TET1: variants seen among roughly 807,000 people sequenced by gnomAD.
TET1 encodes methylcytosine dioxygenase TET1.
A neutral mutation model predicts 148.7 loss-of-function variants in TET1; 13 were observed. That is an observed-to-expected ratio of 0.09 (90% CI 0.06 to 0.14). The LOEUF (loss-of-function observed/expected upper bound fraction) is 0.14. Ranked by LOEUF, TET1 falls within the 10% of genes least tolerant of loss-of-function variation. TET1 has a pLI of 1.00. For missense variants in TET1, 2,182 were observed against 2,553.8 expected (o/e 0.85, Z 3.14); for synonymous variants, 907 against 937.2 (o/e 0.97, Z 0.59).
intron 3 of TET1, among the ~76,000 whole-genome samples, chr10:68,640,403 A>G (rs1464682368): frequency 6.7e-6 from 1 of 150,190 alleles, no homozygotes. Flanking sequence ...TGCTGGGATT[A>G]TAGGCGCCTG....
chr10:68,654,573 T>C (rs543717661), intron 6 of TET1, among the ~76,000 whole-genome samples: 3 of 152,048 alleles, frequency 2.0e-5, no homozygotes, highest in South Asian at 4.2e-4. Flanking sequence ...GCCTAGATCG[T>C]GCCTCTGCAC....
At chr10:68,595,336 CA>C (rs1440561950) in intron 2 of TET1, among the ~76,000 whole-genome samples, 2 of 151,948 alleles carry the variant, frequency 1.3e-5, no homozygotes, top group Non-Finnish European at 2.9e-5. Flanking sequence ...CCCCCAAAAT[CA>C]GAAGAAAAAT....
intron 6 of TET1, among the ~76,000 whole-genome samples, chr10:68,659,239 G>A (rs766011244): frequency 2.0e-4 from 30 of 152,308 alleles, no homozygotes; most frequent in Non-Finnish European, 1.0e-4. Flanking sequence ...CAATGCCTGA[G>A]TGCTTCACAT....
intron 6 of TET1, among the ~76,000 whole-genome samples, chr10:68,659,615 G>A (rs148207881): frequency 0.011 from 1,626 of 152,202 alleles, 32 homozygotes; most frequent in African/African-American, 0.037. Context: ...CACCGCGCCC[G>A]GCCAATATTA....
chr10:68,575,702 C>CAAATAAATAAAT (rs34948432), intron 2 of TET1, among the ~76,000 whole-genome samples: 31 of 140,748 alleles, frequency 2.2e-4, no homozygotes, highest in East Asian at 6.4e-4. Flanking sequence ...AACTCCATCT[C>CAAATAAATAAAT]AAATAAATAA....
intron 2 of TET1, among the ~76,000 whole-genome samples, chr10:68,575,090 A>G (rs993705532): frequency 1.3e-5 from 2 of 152,240 alleles, no homozygotes; most frequent in African/African-American, 4.8e-5. Context: ...AGATGGACTT[A>G]GAAGTATTGT....
rs111858486 is a variant in TET1, at chr10:68,605,559, G to A, written c.1968+4525G>A. ...GACAGAGTCTCACTCTGTCACTAAG[G>A]CTGGAGTGCAGTGGTGCAGTCTTGG... On this transcript the variant is annotated intron_variant, in intron 3 of 11. Coordinates refer to ENST00000373644, the MANE Select transcript of TET1 (RefSeq NM_030625.3). Among the ~76,000 whole-genome samples, 6 of 152,260 alleles carry A rather than the reference G, an allele frequency of 3.9e-5. 1 individual carries two copies. The highest frequency in any genetic ancestry group is 1.4e-4 in the African/African-American group (6 of 41,556).
chr10:68,653,834 C>T (rs569511290), intron 6 of TET1, among the ~76,000 whole-genome samples: 5 of 152,226 alleles, frequency 3.3e-5, no homozygotes, highest in African/African-American at 9.6e-5. Flanking sequence ...CGGCCCAGCA[C>T]GGTGGCTCAC....
intron 2 of TET1, among the ~76,000 whole-genome samples, chr10:68,600,318 T>G (rs569297536): frequency 1.3e-5 from 2 of 152,326 alleles, no homozygotes; most frequent in East Asian, 3.9e-4. Flanking sequence ...AGGAAGGCTC[T>G]ACCATCGATC....
At chr10:68,633,860 G>A (rs893034484) in intron 3 of TET1, among the ~76,000 whole-genome samples, 5 of 152,158 alleles carry the variant, frequency 3.3e-5, no homozygotes, top group Non-Finnish European at 5.9e-5. Context: ...AGGAGGGTTT[G>A]TAGTCCAAGG....
chr10:68,574,116 T>G lies in TET1; in HGVS notation c.1778T>G (p.Val593Gly). The G allele has an allele frequency of 1.2e-6, 2 of 1,614,022 alleles. No homozygotes were observed. Among genetic ancestry groups the G allele is most frequent in the Non-Finnish European group, 1.7e-6 (2 of 1,180,018 alleles). The change falls in exon 2 of 12, where the codon GTC becomes GGC. Residue 593 changes from valine (V) to glycine (G), a missense_variant. Val to Gly is a moderately radical substitution (Grantham distance 109). Coordinates refer to ENST00000373644, the MANE Select transcript of TET1 (RefSeq NM_030625.3). ...AAGAAGAAAAGAAAGCGATGTGGGG[T>G]CTGTGAACCCTGCCAGCAGAAGACC... is the stretch of plus-strand genomic sequence containing the variant. ...LEKKKRKRCG[V>G]CEPCQQKTNC...
chr10:68,591,324 G>A (rs554002967), intron 2 of TET1, among the ~76,000 whole-genome samples: 78 of 152,198 alleles, frequency 5.1e-4, no homozygotes, highest in Non-Finnish European at 1.0e-3. Context: ...TCTGAGTTAT[G>A]TTCCATGGAA....
intron 3 of TET1, among the ~76,000 whole-genome samples, chr10:68,640,352 C>T (rs1030153811): frequency 1.3e-5 from 2 of 150,228 alleles, no homozygotes; most frequent in Non-Finnish European, 3.0e-5. Flanking sequence ...CAACCTCTGC[C>T]CGCCAGGTTC....
At chr10:68,667,603 G>A (rs1288205471) in intron 7 of TET1, among the ~76,000 whole-genome samples, 1 of 151,962 alleles carries the variant, frequency 6.6e-6, no homozygotes, top group Non-Finnish European at 1.5e-5. Context: ...AATTAGCCGG[G>A]CGTGGTGGCG....
chr10:68,578,457 C>G (rs2053756807), intron 2 of TET1, among the ~76,000 whole-genome samples: 1 of 152,052 alleles, frequency 6.6e-6, no homozygotes. Context: ...CGAGGTTTCA[C>G]CACGTTGGCC....
At chr10:68,682,093 CTTTTTTTT>C (rs386371716) in intron 9 of TET1, among the ~76,000 whole-genome samples, 27 of 67,054 alleles carry the variant, frequency 4.0e-4, no homozygotes, top group African/African-American at 1.5e-3. Context: ...TTGATCTACT[CTTTTTTTT>C]TTTTTTTTTT....
Position 68,658,099 on chromosome 10 carries a change from T to C in TET1, c.4461+5505T>C, listed in dbSNP as rs151285993. Among the ~76,000 whole-genome samples the C allele has an allele frequency of 1.5e-3, 226 of 152,348 alleles. 1 individual carries two copies. The highest frequency in any genetic ancestry group is 5.0e-3 in the African/African-American group (207 of 41,580). On this transcript the variant is annotated intron_variant, in intron 6 of 11. Coordinates refer to ENST00000373644, the MANE Select transcript of TET1 (RefSeq NM_030625.3). ...GTATTTGTTATAAAACATTAATCTA[T>C]ATCAAGCATCGTTTCATGATTTCAT...
intron 3 of TET1, among the ~76,000 whole-genome samples, chr10:68,618,429 C>T (rs1188236741): frequency 1.3e-5 from 2 of 152,290 alleles, no homozygotes; most frequent in Middle Eastern, 3.4e-3. Context: ...GCCCTTCCTG[C>T]TCTTATCTTC....
Position 68,646,865 on chromosome 10 carries a change from G to C in TET1, c.4136G>C (p.Ser1379Thr). The C allele has an allele frequency of 6.2e-7, 1 of 1,614,152 alleles. No homozygotes were observed. The change falls in exon 4 of 12, where the codon AGT becomes ACT. Residue 1379 changes from serine (S) to threonine (T), a missense_variant. Ser to Thr is a moderately conservative substitution (Grantham distance 58, BLOSUM62 1). This residue lies in a region of TET1 where 169 missense variants were observed against 263.7 expected (regional missense o/e 0.64). Transcript: ENST00000373644. ...TKSEEEVCSS[S>T]FGTSEFSTVD... ...AGTGAAGAGGAAGTCTGTTCATCCAGTTTTGGAACATCAGAATTTTCCACA... is the reference window on the plus strand; with the variant it reads ...AGTGAAGAGGAAGTCTGTTCATCCACTTTTGGAACATCAGAATTTTCCACA...
Sources: allele counts gnomAD v4.1 joint callset (sites outside exome capture counted in the v4.1 genomes callset), GRCh38; gene constraint gnomAD v4.1.1; regional missense constraint gnomAD v4.1.1; transcripts MANE v1.5; gene names NCBI Gene and HGNC (gene_info 2026-07-23, HGNC 2026-07-21).